The following PPARGC1A variants were observed in gnomAD, a reference collection of about 807,000 sequenced individuals.
PPARGC1A encodes PPARG coactivator 1 alpha.
In PPARGC1A, 25 loss-of-function variants were observed where a neutral mutation model predicts 88.7. The observed-to-expected ratio is 0.28, with a 90% CI of 0.21 to 0.39. PPARGC1A has a LOEUF of 0.39. Ranked by LOEUF, PPARGC1A falls within the 10% of genes least tolerant of loss-of-function variation. PPARGC1A has a pLI of 1.00. For synonymous variants in PPARGC1A, 363 were observed against 355.6 expected, an observed-to-expected ratio of 1.02 and a Z score of -0.24; for missense variants, 880 against 968.7, an observed-to-expected ratio of 0.91 and a Z score of 1.22.
At chr4:24,340,626 A>G in the PPARGC1A span, among the ~76,000 whole-genome samples, 6 of 152,188 alleles carry the variant, frequency 3.9e-5, no homozygotes, top group Non-Finnish European at 8.8e-5. Flanking sequence ...AATATCACCC[A>G]TACAATTTTA....
chr4:24,191,469 G>T, the PPARGC1A span, among the ~76,000 whole-genome samples: 6 of 152,248 alleles, frequency 3.9e-5, 1 homozygote, highest in African/African-American at 1.4e-4. Flanking sequence ...TCCATTATAC[G>T]ATAATGTCTC....
intron 2 of PPARGC1A, among the ~76,000 whole-genome samples, chr4:23,849,568 G>C (rs568000530): frequency 1.1e-4 from 16 of 152,184 alleles, no homozygotes; most frequent in African/African-American, 3.6e-4. Flanking sequence ...AGATGAAAAA[G>C]AAAAGTTTAT....
At chr4:24,287,722 C>G in the PPARGC1A span, among the ~76,000 whole-genome samples, 14 of 151,236 alleles carry the variant, frequency 9.3e-5, no homozygotes, top group African/African-American at 2.9e-4. Context: ...AGTCAGAATA[C>G]CAAGGAAGAC....
the PPARGC1A span, among the ~76,000 whole-genome samples, chr4:24,284,243 A>G: frequency 6.6e-6 from 1 of 152,092 alleles, no homozygotes; most frequent in African/African-American, 2.4e-5. Context: ...CGGGAGGCAG[A>G]GGTTGCAATG....
At chr4:23,843,104 AT>A (rs1003309877) in intron 2 of PPARGC1A, among the ~76,000 whole-genome samples, 65 of 152,124 alleles carry the variant, frequency 4.3e-4, no homozygotes, top group African/African-American at 1.5e-3. Context: ...ATTGCCAATC[AT>A]TCTCTTTCTT....
the PPARGC1A span, among the ~76,000 whole-genome samples, chr4:24,324,876 C>T: frequency 6.6e-6 from 1 of 152,074 alleles, no homozygotes; most frequent in Admixed American, 6.6e-5. Flanking sequence ...TTCTACAGAC[C>T]CATCTGACCT....
At chr4:23,821,969 C>T (rs748577078) in intron 7 of PPARGC1A, among the ~76,000 whole-genome samples, 1 of 152,068 alleles carries the variant, frequency 6.6e-6, no homozygotes, top group African/African-American at 2.4e-5. Flanking sequence ...TACTTCAGAT[C>T]GAACCACATA....
chr4:24,412,853 G>A, the PPARGC1A span, among the ~76,000 whole-genome samples: 1 of 152,172 alleles, frequency 6.6e-6, no homozygotes, highest in Non-Finnish European at 1.5e-5. Flanking sequence ...TGCTGTGCCA[G>A]TTGGGTTGAG....
the PPARGC1A span, among the ~76,000 whole-genome samples, chr4:24,046,158 G>A: frequency 2.1e-3 from 323 of 152,276 alleles, 3 homozygotes; most frequent in African/African-American, 7.5e-3. Flanking sequence ...GAGCATGTCA[G>A]AACATATGTC....
At chr4:23,797,899 G>A (rs181859073) in intron 12 of PPARGC1A, among the ~76,000 whole-genome samples, 4 of 152,232 alleles carry the variant, frequency 2.6e-5, no homozygotes, top group South Asian at 2.1e-4. Flanking sequence ...TGACCTGCAC[G>A]TACACATCCA....
chr4:24,354,443 G>A, the PPARGC1A span, among the ~76,000 whole-genome samples: 1 of 152,126 alleles, frequency 6.6e-6, no homozygotes, highest in South Asian at 2.1e-4. Context: ...ATTCATAAAT[G>A]TTCACCAATT....
chr4:23,889,362 G>C, intron 1 of PPARGC1A: 1 of 985,226 alleles, frequency 1.0e-6, no homozygotes, highest in Non-Finnish European at 1.2e-6. Context: ...TCGTTGTTTT[G>C]TGTTCTGTGG....
the PPARGC1A span, among the ~76,000 whole-genome samples, chr4:24,172,984 C>T: frequency 2.0e-5 from 3 of 152,182 alleles, no homozygotes; most frequent in African/African-American, 7.2e-5. Flanking sequence ...TGGATTCAAC[C>T]AACCATTACT....
chr4:23,865,952 T>TACAC (rs140873233), intron 2 of PPARGC1A, among the ~76,000 whole-genome samples: 37 of 149,330 alleles, frequency 2.5e-4, no homozygotes, highest in East Asian at 5.9e-4. Context: ...CATTTATTCC[T>TACAC]ACACACACAC....
the PPARGC1A span, among the ~76,000 whole-genome samples, chr4:24,161,928 C>T: frequency 2.0e-5 from 3 of 149,244 alleles, no homozygotes; most frequent in Middle Eastern, 3.4e-3. Flanking sequence ...GCCCAAATGC[C>T]CATCTCAATG....
rs1254319286 is a variant in PPARGC1A, at chr4:23,795,263, TG to T, written c.*558del. 6.8e-6 allele frequency: 1 copy of T among 147,560 alleles called. No homozygotes were observed. Among genetic ancestry groups the T allele is most frequent in the East Asian group, 2.0e-4 (1 of 5,086 alleles). 9.1% of individuals were successfully genotyped at this position (147,560 alleles called of 1,614,324 possible). On this transcript the variant is annotated 3_prime_UTR_variant, in exon 13 of 13. Transcript: ENST00000264867. ...GTTTGTGGTTGGTTGGTTGGTTGGT[TG>T]GTTGTTAGTTTTCTTTCCTTTTTAA... is the stretch of plus-strand genomic sequence containing the variant.
At chr4:24,146,433 A>G in the PPARGC1A span, among the ~76,000 whole-genome samples, 4 of 152,230 alleles carry the variant, frequency 2.6e-5, no homozygotes, top group African/African-American at 9.6e-5. Context: ...AAGAACCTCA[A>G]AACTCTGGAT....
chr4:23,904,309 T>C (rs1409900830), upstream of PPARGC1A, among the ~76,000 whole-genome samples: 1 of 152,182 alleles, frequency 6.6e-6, no homozygotes, highest in Non-Finnish European at 1.5e-5. Flanking sequence ...AGACAGGTGG[T>C]TCCCTTTCCA....
chr4:24,363,692 C>T, the PPARGC1A span, among the ~76,000 whole-genome samples: 1 of 152,246 alleles, frequency 6.6e-6, no homozygotes, highest in South Asian at 2.1e-4. Flanking sequence ...ATAAACAATA[C>T]AAATATTTAC....
Sources: gnomAD v4.1 joint callset for allele counts (sites outside exome capture counted in the v4.1 genomes callset) on GRCh38, gnomAD v4.1.1 for gene constraint, MANE v1.5 for transcripts, NCBI Gene and HGNC (gene_info 2026-07-23, HGNC 2026-07-21) for gene names.